Variants in PLA2G4D observed in about 807,000 individuals in gnomAD.
The protein encoded by PLA2G4D is phospholipase A2 group IVD, also known as cytosolic phospholipase A2 delta.
A neutral mutation model predicts 94.4 loss-of-function variants in PLA2G4D; 80 were observed. The ratio of observed to expected loss-of-function variants is 0.85; its 90% CI spans 0.71 to 1.02. PLA2G4D has a LOEUF of 1.02. Among genes scored for constraint, PLA2G4D ranks in the 50% least tolerant of loss-of-function variants. The pLI is 0.00. For synonymous variants in PLA2G4D, 438 were observed against 440.9 expected, an observed-to-expected ratio of 0.99 and a Z score of 0.08; for missense variants, 1,050 against 1,034.7, an observed-to-expected ratio of 1.01 and a Z score of -0.20.
At position 42,086,313 on chromosome 15, in the gene PLA2G4D, T is replaced by C. The variant is rs767943934; in HGVS notation, c.287A>G (p.Asp96Gly). The C allele has an allele frequency of 6.2e-7, 1 of 1,611,416 alleles. No homozygotes were observed. The highest frequency in any genetic ancestry group is 8.5e-7 in the Non-Finnish European group (1 of 1,178,900). The change falls in exon 4 of 20, where the codon GAC becomes GGC. Residue 96 changes from aspartate (D) to glycine (G), a missense_variant. Physicochemically the swap from Asp to Gly is moderately conservative, Grantham distance 94. Transcript: ENST00000290472. ...GCAGATGTCATCCTCCGTGACTGAGTCCTCATCATAGATGCTAAGCTCCAG... is the reference window on the plus strand; with the variant it reads ...GCAGATGTCATCCTCCGTGACTGAGCCCTCATCATAGATGCTAAGCTCCAG... ...NVLELSIYDE[D>G]SVTEDDICFK...
chr15:42,072,901 G>A (rs890321512), intron 13 of PLA2G4D, among the ~76,000 whole-genome samples: 6 of 152,076 alleles, frequency 3.9e-5, no homozygotes, highest in African/African-American at 7.2e-5. Flanking sequence ...CCCCCTCATC[G>A]TCCCTCTTCT....
At position 42,084,385 on chromosome 15, in the gene PLA2G4D, G is replaced by T. The variant is rs925298097; in HGVS notation, c.472-606C>A. ...TCACCTCCTAAGAGGCAGTGCCATC[G>T]GCTTGACTTTATTTTCATGTGTATT... On this transcript the variant is annotated intron_variant, in intron 6 of 19. Coordinates refer to ENST00000290472, the MANE Select transcript of PLA2G4D (RefSeq NM_178034.4). The surrounding 1 kb of genome is among the most constrained non-coding windows in gnomAD (Gnocchi z 4.8). 4.6e-5 allele frequency among the ~76,000 whole-genome samples: 7 copies of T among 152,134 alleles called. No homozygotes were observed. The highest frequency in any genetic ancestry group is 1.7e-4 in the African/African-American group (7 of 41,434).
At chr15:42,072,417 TA>T (rs757777441) in intron 13 of PLA2G4D, 25 bp from the exon 14 acceptor site, 26 of 1,588,210 alleles carry the variant, frequency 1.6e-5, no homozygotes, top group Non-Finnish European at 2.2e-5. Flanking sequence ...CATCAGGGCC[TA>T]AGTGAGGCTG....
chr15:42,083,443 G>A, intron 7 of PLA2G4D, 109 bp from the exon 8 acceptor site: 1 of 1,470,056 alleles, frequency 6.8e-7, no homozygotes, highest in Non-Finnish European at 9.1e-7. Flanking sequence ...GGGAGGCTGG[G>A]CCATCGTCAA....
chr15:42,083,213 C>G lies in PLA2G4D; in HGVS notation c.657G>C (p.Leu219=). 1.2e-6 allele frequency: 2 copies of G among 1,613,936 alleles called. No homozygotes were observed. The highest frequency in any genetic ancestry group is 1.7e-6 in the Non-Finnish European group (2 of 1,179,912). ...CAAGACCCACCCTCAGGCGCCCGCTCAGCTCTGTCTCTAGGGCTGCCATGT... is the reference window on the plus strand; with the variant it reads ...CAAGACCCACCCTCAGGCGCCCGCTGAGCTCTGTCTCTAGGGCTGCCATGT... The part of the protein sequence containing the change: ...FHYMAALETE[L]SGRLRSSRSN... Residue 219 remains leucine, a synonymous_variant, in exon 8 of 20, where the codon CTG becomes CTC. Coordinates refer to ENST00000290472, the MANE Select transcript of PLA2G4D (RefSeq NM_178034.4).
chr15:42,083,258 G>A lies in PLA2G4D; in HGVS notation c.612C>T (p.Ala204=). The A allele has an allele frequency of 6.2e-7, 1 of 1,614,174 alleles. No homozygotes were observed. The highest frequency in any genetic ancestry group is 8.5e-7 in the Non-Finnish European group (1 of 1,180,008). Residue 204 remains alanine, a synonymous_variant, in exon 8 of 20, where the codon GCC becomes GCT. Coordinates refer to ENST00000290472, the MANE Select transcript of PLA2G4D (RefSeq NM_178034.4). The part of the protein sequence containing the change: ...EDTQTSFLGT[A]SAFRFHYMAA... ...CCATGTAGTGGAAGCGGAAGGCAGA[G>A]GCTGTGCCCAGGAAGGATGTCTGTG...
At chr15:42,087,844 C>G in intron 1 of PLA2G4D, 144 bp from the exon 2 acceptor site, 1 of 789,842 alleles carries the variant, frequency 1.3e-6, no homozygotes, top group Non-Finnish European at 2.0e-6. Flanking sequence ...GGGACACCCT[C>G]TGGGGACCAA....
chr15:42,067,543 C>CAA lies in PLA2G4D; in HGVS notation c.*1170_*1171dup, dbSNP rs35927982. ...GACAGAGTGTGATGAGATTCTGTCT[C>CAA]AAAAAAAAAAAAAAAGAAAGAAAAA... is the stretch of plus-strand genomic sequence containing the variant. On this transcript the variant is annotated 3_prime_UTR_variant, in exon 20 of 20. Transcript: ENST00000290472. 0.1 allele frequency: 12,136 copies of CAA among 117,402 alleles called. 670 individuals carry two copies. The highest frequency in any genetic ancestry group is 0.16 in the Middle Eastern group (37 of 234). 7.3% of individuals were successfully genotyped at this position (117,402 alleles called of 1,614,324 possible). A position where few individuals can be genotyped will look rare whatever the true frequency, so the allele number is the denominator to read the frequency against.
rs1889998827 is a variant in PLA2G4D, at chr15:42,079,657, G to C, written c.1197C>G (p.Val399=). The C allele has an allele frequency of 6.2e-7, 1 of 1,612,884 alleles. No individual in the cohort carries two copies. Among genetic ancestry groups the C allele is most frequent in the African/African-American group, 1.3e-5 (1 of 74,818 alleles). Residue 399 remains valine (V), a synonymous_variant, in exon 13 of 20, where the codon GTC becomes GTG. Transcript: ENST00000290472. The part of the protein sequence containing the change: ...REHLAKSKLE[V]FSPERLASYR... ...AGCTCGCCAGGCGCTCTGGGGAAAA[G>C]ACCTCCAGCTTGCTCTTGGCCAGGT...
intron 18 of PLA2G4D, 190 bp from the exon 19 acceptor site, chr15:42,070,285 G>T: frequency 1.7e-6 from 1 of 582,666 alleles, no homozygotes; most frequent in Non-Finnish European, 2.8e-6. Flanking sequence ...GGTCTGCAAT[G>T]TTGTTTGGTT....
At chr15:42,069,359 G>A (rs372542753) in intron 19 of PLA2G4D, among the ~76,000 whole-genome samples, 4 of 152,312 alleles carry the variant, frequency 2.6e-5, no homozygotes, top group African/African-American at 9.6e-5. Flanking sequence ...AGCATGTTCA[G>A]AGGAAAGCTG....
chr15:42,069,019 GC>G, intron 19 of PLA2G4D, 78 bp from the exon 20 acceptor site: 2 of 1,335,086 alleles, frequency 1.5e-6, no homozygotes, highest in Non-Finnish European at 2.1e-6. Flanking sequence ...AGGGAGGGCT[GC>G]CCCCGCTGGA....
At chr15:42,075,390 C>T (rs1426958387) in intron 13 of PLA2G4D, among the ~76,000 whole-genome samples, 1 of 152,178 alleles carries the variant, frequency 6.6e-6, no homozygotes, top group Non-Finnish European at 1.5e-5. Flanking sequence ...ATTGCTGCCA[C>T]TCAGCAGGAA....
chr15:42,073,507 T>C (rs1460961076), intron 13 of PLA2G4D, among the ~76,000 whole-genome samples: 3 of 152,232 alleles, frequency 2.0e-5, no homozygotes, highest in Non-Finnish European at 2.9e-5. Flanking sequence ...AGGTTGATGC[T>C]GTCAGCCCTG....
At chr15:42,080,889 A>G in intron 12 of PLA2G4D, 108 bp downstream of exon 12, 1 of 1,388,920 alleles carries the variant, frequency 7.2e-7, no homozygotes, top group East Asian at 2.5e-5. Flanking sequence ...ATCAGATCAC[A>G]ATGATCACAC....
chr15:42,087,632 G>T lies in PLA2G4D; in HGVS notation c.114C>A (p.Asp38Glu). 6.2e-7 allele frequency: 1 copy of T among 1,614,124 alleles called. No individual in the cohort carries two copies. The highest frequency in any genetic ancestry group is 8.5e-7 in the Non-Finnish European group (1 of 1,180,016). The change falls in exon 2 of 20, where the codon GAC becomes GAA. Residue 38 changes from aspartate to glutamate, a missense_variant. Physicochemically the swap from Asp to Glu is conservative, Grantham distance 45. Coordinates refer to ENST00000290472, the MANE Select transcript of PLA2G4D (RefSeq NM_178034.4). The stretch of plus-strand genomic sequence containing the variant: ...GCGCACAGGGCGGTTACTCACACAG[G>T]TCAGCCCAGCGCAGGTTCCGCGCCT... ...VLEARNLRWA[D>E]LLSEADPYVI...
Position 42,079,652 on chromosome 15 carries a change from GA to G in PLA2G4D, c.1201del (p.Ser401ProfsTer30). On this transcript the variant is annotated frameshift_variant, in exon 13 of 20. Transcript: ENST00000290472. LOFTEE classifies it high-confidence loss of function. ...HLAKSKLEVF[S>X]PERLASYRRE... ...GCGGTAGCTCGCCAGGCGCTCTGGG[GA>G]AAAGACCTCCAGCTTGCTCTTGGCC... 6.2e-7 allele frequency: 1 copy of G among 1,612,988 alleles called. No individual in the cohort carries two copies. The highest frequency in any genetic ancestry group is 2.2e-5 in the East Asian group (1 of 44,754).
chr15:42,081,343 G>A lies in PLA2G4D; in HGVS notation c.957+136C>T, dbSNP rs1372178820. On this transcript the variant is annotated intron_variant, in intron 11 of 19. Coordinates refer to ENST00000290472, the MANE Select transcript of PLA2G4D (RefSeq NM_178034.4). ...CTCCCAAGGGAGTTAGAACCACAAAGCCCACTCACGCTCCCATGTCTCCAC... is the reference window on the plus strand; with the variant it reads ...CTCCCAAGGGAGTTAGAACCACAAAACCCACTCACGCTCCCATGTCTCCAC... The A allele has an allele frequency of 6.2e-6, 9 of 1,449,726 alleles. No individual in the cohort carries two copies. The South Asian group carries it at 8.1e-5, about 13-fold the overall frequency. 89.8% of individuals were successfully genotyped at this position (1,449,726 alleles called of 1,614,324 possible).
rs142058063 is a variant in PLA2G4D, at chr15:42,092,443, T to C, written c.45+1972A>G. ...TTTTCATAGATTTGTCTAATTTGAC[T>C]AACAGATATTCATAGATTTGTCACA... is the stretch of plus-strand genomic sequence containing the variant. On this transcript the variant is annotated intron_variant, in intron 1 of 19. Coordinates refer to ENST00000290472, the MANE Select transcript of PLA2G4D (RefSeq NM_178034.4). Among the ~76,000 whole-genome samples, 5 of 152,378 alleles carry C rather than the reference T, an allele frequency of 3.3e-5. No homozygotes were observed. In the East Asian group the frequency reaches 9.6e-4, roughly 29 times the overall value.
Sources: allele counts gnomAD v4.1 joint callset (sites outside exome capture counted in the v4.1 genomes callset), GRCh38; gene constraint gnomAD v4.1.1; non-coding constraint Gnocchi (gnomAD v3.1); transcripts MANE v1.5; gene names NCBI Gene and HGNC (gene_info 2026-07-23, HGNC 2026-07-21).